The following MACROD2 variants were observed in gnomAD, a reference collection of about 807,000 sequenced individuals.
MACROD2 encodes ADP-ribose glycohydrolase MACROD2.
In MACROD2, 36 loss-of-function variants were observed where a neutral mutation model predicts 70.4. The observed-to-expected ratio is 0.51, with a 90% CI of 0.39 to 0.68. The LOEUF is 0.68. MACROD2 is among the 30% of genes least tolerant of loss of function. The probability of loss-of-function intolerance (pLI) is 0.00; values close to 1 mark genes in which losing one functional copy is unlikely to be tolerated. For synonymous variants in MACROD2, 172 were observed against 178.8 expected, an observed-to-expected ratio of 0.96 and a Z score of 0.30; for missense variants, 496 against 538.4, an observed-to-expected ratio of 0.92 and a Z score of 0.78.
chr20:14,652,771 C>G (rs573396129), intron 4 of MACROD2, among the ~76,000 whole-genome samples: 1 of 152,164 alleles, frequency 6.6e-6, no homozygotes, highest in African/African-American at 2.4e-5. Flanking sequence ...GTAAAGTCCT[C>G]AAGGTTGCAT....
chr20:15,757,836 A>G (rs993897898), intron 8 of MACROD2, among the ~76,000 whole-genome samples: 1 of 152,102 alleles, frequency 6.6e-6, no homozygotes, highest in African/African-American at 2.4e-5. Flanking sequence ...CATGCTCAAG[A>G]CTTCATCTAA....
chr20:14,010,432 G>A (rs190209419), intron 2 of MACROD2, among the ~76,000 whole-genome samples: 6 of 152,200 alleles, frequency 3.9e-5, no homozygotes, highest in East Asian at 1.9e-4. Context: ...GCAGGCATGC[G>A]TGATGCAGCT....
chr20:14,687,779 A>G (rs2071019027), intron 5 of MACROD2, among the ~76,000 whole-genome samples: 1 of 152,202 alleles, frequency 6.6e-6, no homozygotes, highest in Admixed American at 6.5e-5. Flanking sequence ...AGTCATAAAC[A>G]TGGAATATTT....
intron 8 of MACROD2, among the ~76,000 whole-genome samples, chr20:15,567,457 A>C (rs1267158599): frequency 6.6e-6 from 1 of 152,184 alleles, no homozygotes; most frequent in Non-Finnish European, 1.5e-5. Flanking sequence ...AACACCTGGG[A>C]ATAATAGAGA....
chr20:15,153,825 G>T (rs976548583), intron 5 of MACROD2, among the ~76,000 whole-genome samples: 1 of 152,158 alleles, frequency 6.6e-6, no homozygotes, highest in African/African-American at 2.4e-5. Context: ...TTATCTGTGT[G>T]CTGGTTGCAA....
chr20:14,629,138 A>G (rs1293816058), intron 4 of MACROD2, among the ~76,000 whole-genome samples: 1 of 151,922 alleles, frequency 6.6e-6, no homozygotes, highest in Non-Finnish European at 1.5e-5. Context: ...TGCATGTCCT[A>G]GAGGACTTTT....
At chr20:15,676,820 T>G (rs2050063728) in intron 8 of MACROD2, among the ~76,000 whole-genome samples, 1 of 152,224 alleles carries the variant, frequency 6.6e-6, no homozygotes, top group South Asian at 2.1e-4. Context: ...TTCATCATGA[T>G]TAGATGTTTC....
At chr20:14,183,235 A>G (rs930635450) in intron 3 of MACROD2, among the ~76,000 whole-genome samples, 9 of 150,682 alleles carry the variant, frequency 6.0e-5, no homozygotes, top group African/African-American at 2.2e-4. Flanking sequence ...ATGGGTCCAT[A>G]TGTTCTCATC....
At chr20:15,245,653 G>C (rs188753235) in intron 6 of MACROD2, among the ~76,000 whole-genome samples, 3 of 152,266 alleles carry the variant, frequency 2.0e-5, no homozygotes, top group African/African-American at 7.2e-5. Flanking sequence ...TTCACTCTCA[G>C]TACAGTATTC....
chr20:15,031,395 G>A (rs1263724980), intron 5 of MACROD2, among the ~76,000 whole-genome samples: 1 of 152,160 alleles, frequency 6.6e-6, no homozygotes. Flanking sequence ...GCCATCTGGT[G>A]GGTCTGAGTT....
intron 2 of MACROD2, among the ~76,000 whole-genome samples, chr20:14,063,535 G>A (rs1486557776): frequency 1.3e-5 from 2 of 152,152 alleles, no homozygotes; most frequent in Non-Finnish European, 2.9e-5. Context: ...GAGGGGTGAT[G>A]TGACGCCACA....
intron 6 of MACROD2, among the ~76,000 whole-genome samples, chr20:15,333,185 T>C (rs951360555): frequency 6.6e-6 from 1 of 151,490 alleles, no homozygotes; most frequent in African/African-American, 2.4e-5. Flanking sequence ...AAGTGCAAAA[T>C]TTTCAGCCCC....
At chr20:14,436,324 AATAAAT>A (rs2122944588) in intron 3 of MACROD2, among the ~76,000 whole-genome samples, 1 of 152,340 alleles carries the variant, frequency 6.6e-6, no homozygotes, top group South Asian at 2.1e-4. Context: ...GTCTAATTAA[AATAAAT>A]ATAAACAATG....
rs1600996474 is a variant in MACROD2, at chr20:15,047,772, A to G, written c.419-182168A>G. 4.6e-5 allele frequency among the ~76,000 whole-genome samples: 7 copies of G among 152,220 alleles called. No individual in the cohort carries two copies. The East Asian group carries it at 1.4e-3, about 30-fold the overall frequency. On this transcript the variant is annotated intron_variant, in intron 5 of 17. Coordinates refer to ENST00000684519, the MANE Select transcript of MACROD2 (RefSeq NM_001351661.2). Reference sequence around the variant, plus strand: ...CTAAGGCTTTTATTACAGTGTGATTAGGTTTCCTTTGCTTTCATTGCAACG... The same window carrying G: ...CTAAGGCTTTTATTACAGTGTGATTGGGTTTCCTTTGCTTTCATTGCAACG...
intron 5 of MACROD2, among the ~76,000 whole-genome samples, chr20:14,909,848 A>T (rs1413234686): frequency 6.6e-6 from 1 of 151,954 alleles, no homozygotes; most frequent in Non-Finnish European, 1.5e-5. Flanking sequence ...GGGTGAAATG[A>T]TTATATTGTG....
chr20:15,696,468 G>C (rs2050373057), intron 8 of MACROD2, among the ~76,000 whole-genome samples: 1 of 152,076 alleles, frequency 6.6e-6, no homozygotes, highest in Admixed American at 6.6e-5. Context: ...AAGGATTTTA[G>C]CGTCTATGTT....
intron 4 of MACROD2, among the ~76,000 whole-genome samples, chr20:14,540,406 ACCCTTCCCCTG>A (rs1179876972): frequency 1.3e-5 from 2 of 152,134 alleles, no homozygotes; most frequent in Non-Finnish European, 1.5e-5. Flanking sequence ...TTCCAACCTA[ACCCTTCCCCTG>A]CCCTTCCCCT....
At chr20:14,444,704 C>T (rs1435169884) in intron 3 of MACROD2, among the ~76,000 whole-genome samples, 1 of 151,988 alleles carries the variant, frequency 6.6e-6, no homozygotes, top group African/African-American at 2.4e-5. Flanking sequence ...TCCACATATC[C>T]AAAATCAGCT....
At chr20:15,275,038 G>T (rs2077378173) in intron 6 of MACROD2, among the ~76,000 whole-genome samples, 1 of 152,090 alleles carries the variant, frequency 6.6e-6, no homozygotes, top group South Asian at 2.1e-4. Flanking sequence ...TGAAAAAGGA[G>T]GCTGGGGTGA....
Sources: gnomAD v4.1 joint callset for allele counts (sites outside exome capture counted in the v4.1 genomes callset) on GRCh38, gnomAD v4.1.1 for gene constraint, MANE v1.5 for transcripts, NCBI Gene and HGNC (gene_info 2026-07-23, HGNC 2026-07-21) for gene names.